SEPTIN7: variants seen among roughly 807,000 people sequenced by gnomAD.
SEPTIN7 encodes the protein septin-7.
A neutral mutation model predicts 63.3 loss-of-function variants in SEPTIN7; 10 were observed. The observed-to-expected ratio is 0.16, with a 90% CI of 0.10 to 0.27. The LOEUF is 0.27. SEPTIN7 is among the 10% of genes least tolerant of loss of function. The pLI, the probability that SEPTIN7 is intolerant of heterozygous loss-of-function variation, is 1.00. For synonymous variants in SEPTIN7, 131 were observed against 165.3 expected, an observed-to-expected ratio of 0.79 and a Z score of 1.59; for missense variants, 310 against 521.0, an observed-to-expected ratio of 0.59 and a Z score of 3.94.
chr7:35,811,117 T>C (rs1340725807), intron 1 of SEPTIN7, among the ~76,000 whole-genome samples: 3 of 152,146 alleles, frequency 2.0e-5, no homozygotes, highest in Non-Finnish European at 4.4e-5. Flanking sequence ...CCTTCAGTTT[T>C]AGAGAATACA....
chr7:35,815,337 A>G (rs1300431733), intron 1 of SEPTIN7, among the ~76,000 whole-genome samples: 5 of 152,224 alleles, frequency 3.3e-5, no homozygotes, highest in Admixed American at 6.5e-5. Flanking sequence ...GAGGTAGGCA[A>G]TATATGAATT....
chr7:35,866,723 A>G (rs1785824072), intron 4 of SEPTIN7, among the ~76,000 whole-genome samples: 1 of 152,184 alleles, frequency 6.6e-6, no homozygotes, highest in Non-Finnish European at 1.5e-5. Flanking sequence ...AGTTTTCAGT[A>G]TTGATAGAAG....
upstream of SEPTIN7, chr7:35,801,009 G>A: frequency 2.2e-6 from 1 of 448,092 alleles, no homozygotes; most frequent in South Asian, 4.3e-5. Flanking sequence ...GCCTCCGCTA[G>A]GCCCGGAAGC....
chr7:35,845,113 TGTG>T (rs1409208768), intron 3 of SEPTIN7, among the ~76,000 whole-genome samples: 1 of 150,818 alleles, frequency 6.6e-6, no homozygotes, highest in African/African-American at 2.4e-5. Context: ...CTTAAGAACT[TGTG>T]GGTGTAGGAT....
chr7:35,875,673 G>T (rs1219527175), intron 6 of SEPTIN7, among the ~76,000 whole-genome samples: 1 of 152,110 alleles, frequency 6.6e-6, no homozygotes, highest in African/African-American at 2.4e-5. Context: ...CTTGGAACAT[G>T]AATTTTAAAA....
intron 1 of SEPTIN7, among the ~76,000 whole-genome samples, chr7:35,822,409 T>C (rs929492788): frequency 6.6e-6 from 1 of 152,054 alleles, no homozygotes; most frequent in South Asian, 2.1e-4. Flanking sequence ...AGGTTCTATC[T>C]AGAGGTGATG....
chr7:35,818,001 A>G (rs528637839), intron 1 of SEPTIN7, among the ~76,000 whole-genome samples: 4 of 152,022 alleles, frequency 2.6e-5, no homozygotes, highest in African/African-American at 9.6e-5. Flanking sequence ...TATTTTACCA[A>G]ATGCCTTTTC....
chr7:35,846,249 T>G (rs1003139761), intron 3 of SEPTIN7, among the ~76,000 whole-genome samples: 2 of 152,180 alleles, frequency 1.3e-5, no homozygotes, highest in Non-Finnish European at 2.9e-5. Context: ...GAATAATATT[T>G]TTATAGGTGT....
chr7:35,841,169 C>A (rs1046757319), intron 3 of SEPTIN7, among the ~76,000 whole-genome samples: 2 of 151,698 alleles, frequency 1.3e-5, no homozygotes, highest in South Asian at 2.1e-4. Context: ...TGCAGTGAGC[C>A]GAGATCGTGC....
chr7:35,826,901 CGTA>C (rs1448535946), intron 1 of SEPTIN7, among the ~76,000 whole-genome samples: 13 of 151,954 alleles, frequency 8.6e-5, no homozygotes, highest in Non-Finnish European at 1.6e-4. Flanking sequence ...GGCAAGAGAA[CGTA>C]AAGAATTCTT....
At chr7:35,908,163 A>G (rs548285306), downstream of SEPTIN7, among the ~76,000 whole-genome samples, 2 of 152,294 alleles carry the variant, frequency 1.3e-5, no homozygotes, top group African/African-American at 4.8e-5. Context: ...TAATGCCGAG[A>G]TGGTTTATCA....
intron 1 of SEPTIN7, among the ~76,000 whole-genome samples, chr7:35,826,319 A>G (rs1219171253): frequency 6.6e-6 from 1 of 151,232 alleles, no homozygotes; most frequent in African/African-American, 2.4e-5. Flanking sequence ...GTTGTTTTTC[A>G]TATTTAGAAT....
intron 1 of SEPTIN7, among the ~76,000 whole-genome samples, chr7:35,803,543 A>G (rs1455782386): frequency 6.6e-5 from 10 of 152,250 alleles, no homozygotes; most frequent in African/African-American, 2.4e-4. Context: ...TGATATACAT[A>G]TTCATTGTAG....
chr7:35,888,472 C>T (rs1345595063), intron 10 of SEPTIN7, among the ~76,000 whole-genome samples: 1 of 151,940 alleles, frequency 6.6e-6, no homozygotes, highest in Admixed American at 6.6e-5. Context: ...AAGTTTTCTT[C>T]CTTAGGACCT....
intron 9 of SEPTIN7, 47 bp downstream of exon 9, chr7:35,884,034 A>G: frequency 8.2e-7 from 1 of 1,212,858 alleles, no homozygotes; most frequent in East Asian, 2.3e-5. Flanking sequence ...CTCAAAACTG[A>G]TTAAAAATTT....
At chr7:35,898,447 T>G (rs1274195415) in intron 12 of SEPTIN7, 64 bp downstream of exon 12, 1 of 1,039,576 alleles carries the variant, frequency 9.6e-7, no homozygotes, top group Admixed American at 2.5e-5. Flanking sequence ...GTATCTTCAG[T>G]AAAATTTATA....
intron 3 of SEPTIN7, among the ~76,000 whole-genome samples, chr7:35,848,643 A>G (rs1784813350): frequency 6.6e-6 from 1 of 152,238 alleles, no homozygotes; most frequent in Non-Finnish European, 1.5e-5. Context: ...TTTTCAGTTT[A>G]GCAAAAGAAC....
intron 1 of SEPTIN7, chr7:35,812,143 C>CAAA: frequency 2.1e-5 from 3 of 145,256 alleles, no homozygotes; most frequent in South Asian, 1.1e-4. Flanking sequence ...AAAAAAAAAA[C>CAAA]AAAAAAAAAA....
At chr7:35,854,259 T>G (rs539047464) in intron 3 of SEPTIN7, among the ~76,000 whole-genome samples, 1 of 152,236 alleles carries the variant, frequency 6.6e-6, no homozygotes, top group African/African-American at 2.4e-5. Context: ...AGTCAATGCT[T>G]GTAAAATACT....
Sources: allele counts gnomAD v4.1 joint callset (sites outside exome capture counted in the v4.1 genomes callset), GRCh38; gene constraint gnomAD v4.1.1; transcripts MANE v1.5; gene names NCBI Gene and HGNC (gene_info 2026-07-23, HGNC 2026-07-21).